UGT1A7: variants seen among roughly 807,000 people sequenced by gnomAD.
UGT1A7 encodes the protein UDP-glucuronosyltransferase 1A7.
In UGT1A7, 33 loss-of-function variants were observed where a neutral mutation model predicts 45.6. The observed-to-expected ratio is 0.72, with a 90% CI of 0.55 to 0.97. UGT1A7 has a LOEUF of 0.97. Among genes scored for constraint, UGT1A7 ranks in the 50% least tolerant of loss-of-function variants. UGT1A7 has a pLI of 0.00. For missense variants in UGT1A7, 684 were observed against 666.2 expected, an observed-to-expected ratio of 1.03 and a Z score of -0.29; for synonymous variants, 274 against 250.6, an observed-to-expected ratio of 1.09 and a Z score of -0.88.
chr2:233,716,198 G>C (rs2076491281), intron 1 of UGT1A7, among the ~76,000 whole-genome samples: 1 of 152,026 alleles, frequency 6.6e-6, no homozygotes, highest in African/African-American at 2.4e-5. Context: ...TCTTACATCT[G>C]TCTCTTTCAC....
At chr2:233,750,325 T>C (rs1342214391) in intron 1 of UGT1A7, among the ~76,000 whole-genome samples, 1 of 151,898 alleles carries the variant, frequency 6.6e-6, no homozygotes, top group Non-Finnish European at 1.5e-5. Context: ...AACTTTGAAC[T>C]TCAGAGAGAT....
chr2:233,686,445 C>T (rs1186697369), intron 1 of UGT1A7, among the ~76,000 whole-genome samples: 2 of 152,132 alleles, frequency 1.3e-5, no homozygotes, highest in Admixed American at 6.5e-5. Flanking sequence ...CATGGAGGCT[C>T]TCCCATGAAA....
chr2:233,683,467 A>G (rs2074635741), intron 1 of UGT1A7, among the ~76,000 whole-genome samples: 1 of 152,064 alleles, frequency 6.6e-6, no homozygotes, highest in Non-Finnish European at 1.5e-5. Flanking sequence ...TACATTATAT[A>G]TATTTTCATA....
chr2:233,740,214 A>G (rs2018985), intron 1 of UGT1A7, among the ~76,000 whole-genome samples: 70,303 of 151,600 alleles, frequency 0.46, 18,208 homozygotes, highest in African/African-American at 0.69. Flanking sequence ...ACCCAGTCTC[A>G]GCTGCGTCTT....
At chr2:233,726,997 A>G (rs1314569583) in intron 1 of UGT1A7, among the ~76,000 whole-genome samples, 1 of 152,156 alleles carries the variant, frequency 6.6e-6, no homozygotes, top group Non-Finnish European at 1.5e-5. Context: ...TCTTTCTAGC[A>G]AAGTTTTATC....
intron 1 of UGT1A7, chr2:233,755,181 C>G: frequency 8.3e-7 from 1 of 1,205,566 alleles, no homozygotes. Context: ...GTCGGGGTGC[C>G]ACTTGAGCGC....
intron 1 of UGT1A7, chr2:233,755,460 GCT>G (rs1695928623): frequency 3.6e-6 from 1 of 281,062 alleles, no homozygotes. Flanking sequence ...GACTGGCCCT[GCT>G]CTCTGTGAGG....
intron 1 of UGT1A7, among the ~76,000 whole-genome samples, chr2:233,709,572 T>G (rs1359282457): frequency 6.6e-6 from 1 of 152,130 alleles, no homozygotes; most frequent in African/African-American, 2.4e-5. Context: ...AACTTAAAAT[T>G]CAAAAAATAT....
At chr2:233,710,729 C>T (rs1236562894) in intron 1 of UGT1A7, among the ~76,000 whole-genome samples, 3 of 152,128 alleles carry the variant, frequency 2.0e-5, no homozygotes, top group Admixed American at 6.5e-5. Flanking sequence ...TAAAAAACAA[C>T]GTCTTTCAAG....
At chr2:233,735,430 A>G (rs2125793200) in intron 1 of UGT1A7, among the ~76,000 whole-genome samples, 1 of 152,196 alleles carries the variant, frequency 6.6e-6, no homozygotes, top group East Asian at 1.9e-4. Context: ...GGCCTCCTGA[A>G]TACAGCATAC....
At chr2:233,694,063 AG>A (rs2075198328) in intron 1 of UGT1A7, among the ~76,000 whole-genome samples, 1 of 152,226 alleles carries the variant, frequency 6.6e-6, no homozygotes. Context: ...GGATGAAGAC[AG>A]GGCTCATGCT....
chr2:233,724,488 C>T (rs1473203423), intron 1 of UGT1A7, among the ~76,000 whole-genome samples: 4 of 72,584 alleles, frequency 5.5e-5, no homozygotes, highest in Non-Finnish European at 8.7e-5. Context: ...TCAGACGGGG[C>T]GGCCGGGCAG....
chr2:233,701,626 G>A (rs949680433), intron 1 of UGT1A7, among the ~76,000 whole-genome samples: 37 of 152,190 alleles, frequency 2.4e-4, no homozygotes, highest in Non-Finnish European at 4.7e-4. Context: ...TAAAAGAACA[G>A]AAATTATAGC....
chr2:233,682,786 G>C lies in UGT1A7; in HGVS notation c.849G>C (p.Val283=). 6.2e-7 allele frequency: 1 copy of C among 1,612,112 alleles called. No homozygotes were observed. Among genetic ancestry groups the C allele is most frequent in the Non-Finnish European group, 8.5e-7 (1 of 1,178,444 alleles). The change falls in exon 1 of 5, where the codon GTG becomes GTC. Residue 283 remains valine (V), a synonymous_variant. Transcript: ENST00000373426. ...TCAACTGTCATCAGGGAAAGCCAGT[G>C]CCTATGGTAAGTTATCTCCCCTTTA... is the stretch of plus-strand genomic sequence containing the variant. ...GGINCHQGKP[V]PMEFEAYINA... is the part of the protein sequence containing the mutation.
intron 1 of UGT1A7, chr2:233,718,970 G>T (rs45510694): frequency 4.3e-6 from 7 of 1,614,194 alleles, no homozygotes; most frequent in Non-Finnish European, 5.9e-6. Flanking sequence ...CCTTGCGGGA[G>T]CTCCATGCCA....
intron 1 of UGT1A7, among the ~76,000 whole-genome samples, chr2:233,726,093 G>T (rs2077501561): frequency 6.6e-6 from 1 of 152,308 alleles, no homozygotes; most frequent in South Asian, 2.1e-4. Context: ...TTGATCCGAG[G>T]AGGTGGAGGC....
chr2:233,687,956 A>G (rs2074870649), intron 1 of UGT1A7, among the ~76,000 whole-genome samples: 1 of 152,252 alleles, frequency 6.6e-6, no homozygotes, highest in Non-Finnish European at 1.5e-5. Flanking sequence ...TTAAAAATTG[A>G]TATGTAATTC....
At chr2:233,698,798 C>A (rs572322118) in intron 1 of UGT1A7, among the ~76,000 whole-genome samples, 2 of 152,356 alleles carry the variant, frequency 1.3e-5, no homozygotes, top group African/African-American at 4.8e-5. Context: ...AACCTCTGGG[C>A]TCCCAGCCTC....
intron 4 of UGT1A7, 140 bp downstream of exon 4, chr2:233,768,579 CTTCTTTT>C: frequency 1.1e-6 from 1 of 934,852 alleles, no homozygotes; most frequent in Non-Finnish European, 1.4e-6. Context: ...ATTTTTATTT[CTTCTTTT>C]TTTTTTTTTT....
Sources: gnomAD v4.1 joint callset for allele counts (sites outside exome capture counted in the v4.1 genomes callset) on GRCh38, gnomAD v4.1.1 for gene constraint, MANE v1.5 for transcripts, NCBI Gene and HGNC (gene_info 2026-07-23, HGNC 2026-07-21) for gene names.